Variants in CD28 observed in about 807,000 individuals in gnomAD.
The protein encoded by CD28 is CD28 molecule.
A neutral mutation model predicts 21.4 loss-of-function variants in CD28; 8 were observed. That is an observed-to-expected ratio of 0.37 (90% confidence interval 0.22 to 0.68). CD28 has a LOEUF of 0.68. CD28 is among the 30% of genes least tolerant of loss of function. The pLI is 0.55. For synonymous variants in CD28, 106 were observed against 104.0 expected (o/e 1.02, Z -0.12); for missense variants, 239 against 272.2 (o/e 0.88, Z 0.86).
chr2:203,737,174 T>C lies in CD28; in HGVS notation c.*2262T>C, dbSNP rs964373806. 1 of 152,154 alleles carries C rather than the reference T, an allele frequency of 6.6e-6. No homozygotes were observed. The highest frequency in any genetic ancestry group is 1.5e-5 in the Non-Finnish European group (1 of 68,028). The allele number at this position is 152,154 out of a possible 1,614,324, so 9.4% of individuals were successfully genotyped here. On this transcript the variant is annotated 3_prime_UTR_variant, in exon 4 of 4. Coordinates refer to ENST00000324106, the MANE Select transcript of CD28 (RefSeq NM_006139.4). Reference sequence around the variant, plus strand: ...GTGAGAAGGAAGGGAGGAGTAGGAATCTTGAGATTCCAGATCGAAAATACT... The same window carrying C: ...GTGAGAAGGAAGGGAGGAGTAGGAACCTTGAGATTCCAGATCGAAAATACT...
chr2:203,722,199 G>A (rs948872595), intron 1 of CD28, among the ~76,000 whole-genome samples: 1 of 152,110 alleles, frequency 6.6e-6, no homozygotes. Context: ...GAATACAAAT[G>A]CCTAACCTGC....
intron 1 of CD28, among the ~76,000 whole-genome samples, chr2:203,721,882 C>G (rs1189971012): frequency 6.6e-6 from 1 of 152,138 alleles, no homozygotes; most frequent in Non-Finnish European, 1.5e-5. Flanking sequence ...CTGAGTTAGA[C>G]AGGACATATT....
At chr2:203,718,259 G>A (rs190179477) in intron 1 of CD28, among the ~76,000 whole-genome samples, 120 of 152,294 alleles carry the variant, frequency 7.9e-4, no homozygotes, top group Non-Finnish European at 1.3e-3. Flanking sequence ...GTTGTCTTGT[G>A]GGGGAGCCTA....
At chr2:203,731,799 CT>C (rs1052039188) in intron 3 of CD28, among the ~76,000 whole-genome samples, 3 of 152,108 alleles carry the variant, frequency 2.0e-5, no homozygotes, top group African/African-American at 7.2e-5. Flanking sequence ...TGAGATTCAT[CT>C]TGCTTTGTTT....
intron 1 of CD28, among the ~76,000 whole-genome samples, chr2:203,725,594 G>A (rs1040936906): frequency 2.6e-5 from 4 of 152,070 alleles, no homozygotes; most frequent in Middle Eastern, 3.2e-3. Context: ...CTAGTTTCAG[G>A]TTCTTTGCTT....
At chr2:203,708,272 A>C (rs1442110850) in intron 1 of CD28, among the ~76,000 whole-genome samples, 8 of 152,208 alleles carry the variant, frequency 5.3e-5, no homozygotes, top group Non-Finnish European at 1.2e-4. Context: ...TGTTGATATA[A>C]TGAAAGACAT....
intron 3 of CD28, among the ~76,000 whole-genome samples, chr2:203,730,268 T>C (rs1693853162): frequency 6.6e-6 from 1 of 152,168 alleles, no homozygotes; most frequent in South Asian, 2.1e-4. Flanking sequence ...TTTTCTCCTC[T>C]GAAGCAGTTG....
At position 203,728,735 on chromosome 2, in the gene CD28, G is replaced by A. The variant is rs143392282; in HGVS notation, c.410-913G>A. ...TGCTATTTTGCTTGTAGCTAAGAGT[G>A]AAATATTTTTTCCTATATGAAAGGC... On this transcript the variant is annotated intron_variant, in intron 2 of 3. Coordinates refer to ENST00000324106, the MANE Select transcript of CD28 (RefSeq NM_006139.4). Among the ~76,000 whole-genome samples the A allele has an allele frequency of 3.3e-5, 5 of 152,202 alleles. No homozygotes were observed. In the East Asian group the frequency reaches 5.8e-4, roughly 18 times the overall value.
At position 203,729,917 on chromosome 2, in the gene CD28, T is replaced by C. The variant is rs375758971; in HGVS notation, c.534+145T>C. On this transcript the variant is annotated intron_variant, in intron 3 of 3. Transcript: ENST00000324106. ...CCCCATGCTTGAGTAGGTTCTCTTTTAGCTTGTTCAACTCTATCTGAGATA... is the reference window on the plus strand; with the variant it reads ...CCCCATGCTTGAGTAGGTTCTCTTTCAGCTTGTTCAACTCTATCTGAGATA... 32 of 826,900 alleles carry C rather than the reference T, an allele frequency of 3.9e-5. No individual in the cohort carries two copies. The East Asian group carries it at 4.1e-4, about 11-fold the overall frequency. 51.2% of individuals were successfully genotyped at this position (826,900 alleles called of 1,614,324 possible).
intron 3 of CD28, among the ~76,000 whole-genome samples, chr2:203,730,045 G>T (rs547340288): frequency 6.6e-6 from 1 of 152,136 alleles, no homozygotes; most frequent in Non-Finnish European, 1.5e-5. Context: ...AGGAGCAGTT[G>T]CCTTTCTTCT....
At chr2:203,731,316 C>T (rs571188580) in intron 3 of CD28, among the ~76,000 whole-genome samples, 6 of 152,362 alleles carry the variant, frequency 3.9e-5, no homozygotes, top group African/African-American at 1.4e-4. Context: ...CTTTGATCCT[C>T]TGGTGTTTGC....
chr2:203,728,178 A>G (rs576013058), intron 2 of CD28, among the ~76,000 whole-genome samples: 32 of 152,352 alleles, frequency 2.1e-4, no homozygotes, highest in African/African-American at 7.7e-4. Context: ...AAAATTTGCT[A>G]TTAATCAACT....
intron 1 of CD28, among the ~76,000 whole-genome samples, chr2:203,713,487 A>G (rs1037264241): frequency 6.6e-6 from 1 of 152,192 alleles, no homozygotes; most frequent in Non-Finnish European, 1.5e-5. Flanking sequence ...GAATGCCACT[A>G]AGCCAATGAG....
intron 1 of CD28, among the ~76,000 whole-genome samples, chr2:203,721,624 G>A (rs1013280577): frequency 1.4e-4 from 21 of 152,012 alleles, no homozygotes; most frequent in African/African-American, 4.8e-4. Flanking sequence ...GTAAAAGTTG[G>A]TCAAATCCAT....
At position 203,728,379 on chromosome 2, in the gene CD28, T is replaced by C. The variant is rs186613301; in HGVS notation, c.410-1269T>C. The stretch of plus-strand genomic sequence containing the variant: ...ACAGTATTGGTAGCAACAAGTAAAG[T>C]TTGATTTTTTGGTATACTTTGTGGA... On this transcript the variant is annotated intron_variant, in intron 2 of 3. Coordinates refer to ENST00000324106, the MANE Select transcript of CD28 (RefSeq NM_006139.4). 3.9e-5 allele frequency among the ~76,000 whole-genome samples: 6 copies of C among 152,276 alleles called. No individual in the cohort carries two copies. The East Asian group carries it at 1.2e-3, about 29-fold the overall frequency.
At chr2:203,728,111 G>C (rs905118329) in intron 2 of CD28, among the ~76,000 whole-genome samples, 1 of 152,154 alleles carries the variant, frequency 6.6e-6, no homozygotes, top group African/African-American at 2.4e-5. Context: ...CGCCCAGCCC[G>C]TACCTTTCCA....
At position 203,722,309 on chromosome 2, in the gene CD28, A is replaced by G. The variant is rs529297186; in HGVS notation, c.53-4324A>G. Among the ~76,000 whole-genome samples the G allele has an allele frequency of 2.6e-5, 4 of 152,342 alleles. No individual in the cohort carries two copies. The East Asian group carries it at 7.7e-4, about 29-fold the overall frequency. On this transcript the variant is annotated intron_variant, in intron 1 of 3. Transcript: ENST00000324106. ...CTAATGACTCCTTCTAAGTAAAAAAAGGAAACAAACAAAATAAATCAAAAA... is the reference window on the plus strand; with the variant it reads ...CTAATGACTCCTTCTAAGTAAAAAAGGGAAACAAACAAAATAAATCAAAAA...
chr2:203,733,095 T>C (rs913554239), intron 3 of CD28, among the ~76,000 whole-genome samples: 3 of 152,184 alleles, frequency 2.0e-5, no homozygotes, highest in African/African-American at 4.8e-5. Flanking sequence ...TCTACACTCA[T>C]CTGGGGACAG....
In CD28 at chr2:203,735,019, T is replaced by TG. The variant is rs1693995279; in HGVS notation, c.*108dup. 2.9e-6 allele frequency: 4 copies of TG among 1,402,816 alleles called. No individual in the cohort carries two copies. The East Asian group carries it at 9.3e-5, about 33-fold the overall frequency. 86.9% of individuals were successfully genotyped at this position (1,402,816 alleles called of 1,614,324 possible). A position where few individuals can be genotyped will look rare whatever the true frequency, so the allele number is the denominator to read the frequency against. ...TCTCCAGCCGGCCACCTCAGGCCCC[T>TG]GTTGGGCCACCAATGCCAATTTTTC... On this transcript the variant is annotated 3_prime_UTR_variant, in exon 4 of 4. Coordinates refer to ENST00000324106, the MANE Select transcript of CD28 (RefSeq NM_006139.4).
Sources: allele counts gnomAD v4.1 joint callset (sites outside exome capture counted in the v4.1 genomes callset), GRCh38; gene constraint gnomAD v4.1.1; transcripts MANE v1.5; gene names NCBI Gene and HGNC (gene_info 2026-07-23, HGNC 2026-07-21).